MRPS6: variants seen among roughly 807,000 people sequenced by gnomAD.
The protein encoded by MRPS6 is small ribosomal subunit protein bS6m.
In MRPS6, 6 loss-of-function variants were observed where a neutral mutation model predicts 13.1. The ratio of observed to expected loss-of-function variants is 0.46; its 90% confidence interval spans 0.25 to 0.91. The LOEUF is 0.91. Among genes scored for constraint, MRPS6 ranks in the 40% least tolerant of loss-of-function variants. The pLI is 0.18. For synonymous variants in MRPS6, 61 were observed against 56.5 expected, an observed-to-expected ratio of 1.08 and a Z score of -0.36; for missense variants, 164 against 155.6, an observed-to-expected ratio of 1.05 and a Z score of -0.29.
intron 1 of MRPS6, among the ~76,000 whole-genome samples, chr21:34,109,613 A>G (rs1380587447): frequency 6.6e-6 from 1 of 152,150 alleles, no homozygotes; most frequent in Non-Finnish European, 1.5e-5. Flanking sequence ...TATGCATCTC[A>G]GGATCCAACT....
chr21:34,074,253 G>A (rs1243929037), intron 1 of MRPS6, among the ~76,000 whole-genome samples: 1 of 151,878 alleles, frequency 6.6e-6, no homozygotes, highest in East Asian at 1.9e-4. Flanking sequence ...CGGAACGTCC[G>A]CGCCCAATAA....
chr21:34,129,555 A>C (rs1278804130), intron 2 of MRPS6, among the ~76,000 whole-genome samples: 3 of 152,216 alleles, frequency 2.0e-5, no homozygotes, highest in African/African-American at 7.2e-5. Context: ...GCTGGCCTAC[A>C]TATAAGATGC....
rs79421388 is a variant in MRPS6, at chr21:34,139,428, A to C, written c.186-2980A>C. Among the ~76,000 whole-genome samples, 76 of 152,288 alleles carry C rather than the reference A, an allele frequency of 5.0e-4. No homozygotes were observed. In the East Asian group the frequency reaches 0.014, roughly 29 times the overall value. ...TAATATTCTTTGTGGGAAGCTTTTAAACTTCTTTAATAAGATATAGGGCTT... is the reference window on the plus strand; with the variant it reads ...TAATATTCTTTGTGGGAAGCTTTTACACTTCTTTAATAAGATATAGGGCTT... On this transcript the variant is annotated intron_variant, in intron 2 of 2. Coordinates refer to ENST00000399312, the MANE Select transcript of MRPS6 (RefSeq NM_032476.4).
chr21:34,103,169 A>C, intron 1 of MRPS6: 1 of 1,000,052 alleles, frequency 1.0e-6, no homozygotes, highest in Non-Finnish European at 1.2e-6. Context: ...GGTATTCCAT[A>C]ATATAACCAG....
rs1322542850 is a variant in MRPS6 at position 34,136,065 on chromosome 21, C to T, written c.186-6343C>T. The T allele has an allele frequency of 5.4e-5, 13 of 242,836 alleles. No individual in the cohort carries two copies. The East Asian group carries it at 1.3e-3, about 24-fold the overall frequency. The allele number at this position is 242,836 out of a possible 1,614,324, so 15.0% of individuals were successfully genotyped here. On this transcript the variant is annotated intron_variant, in intron 2 of 2. Transcript: ENST00000399312. The stretch of plus-strand genomic sequence containing the variant: ...ACCACTGCTGGTGCTGTCTCCCACT[C>T]GGTCATCCAGAGGGCACAGCCCGAG...
intron 1 of MRPS6, chr21:34,099,249 T>C: frequency 5.0e-6 from 5 of 1,000,220 alleles, no homozygotes; most frequent in Non-Finnish European, 6.0e-6. Flanking sequence ...TAGATAGAGC[T>C]CATCATTTTC....
At chr21:34,118,557 C>CTTTCT (rs1556008872) in intron 1 of MRPS6, among the ~76,000 whole-genome samples, 30 of 133,176 alleles carry the variant, frequency 2.3e-4, no homozygotes, top group African/African-American at 8.3e-4. Flanking sequence ...TTCTTTCTTT[C>CTTTCT]TTTTTTTTTT....
chr21:34,088,046 A>C (rs1208361951), intron 1 of MRPS6, among the ~76,000 whole-genome samples: 2 of 152,196 alleles, frequency 1.3e-5, no homozygotes, highest in Non-Finnish European at 2.9e-5. Flanking sequence ...AATTATTCAT[A>C]CCCCGGAACA....
At chr21:34,130,331 T>G (rs1980458878) in intron 2 of MRPS6, among the ~76,000 whole-genome samples, 2 of 152,154 alleles carry the variant, frequency 1.3e-5, no homozygotes. Flanking sequence ...AATACAGTTT[T>G]CCCCCTGGAC....
At chr21:34,121,165 A>T (rs921849667) in intron 1 of MRPS6, among the ~76,000 whole-genome samples, 121 of 152,318 alleles carry the variant, frequency 7.9e-4, no homozygotes, top group African/African-American at 2.7e-3. Context: ...GTAAAAAAAG[A>T]ATGACATCAG....
intron 2 of MRPS6, among the ~76,000 whole-genome samples, chr21:34,134,798 A>G (rs1602966980): frequency 6.6e-6 from 1 of 152,194 alleles, no homozygotes; most frequent in Non-Finnish European, 1.5e-5. Flanking sequence ...TTTCACTCTC[A>G]GTAAAGTATT....
intron 1 of MRPS6, among the ~76,000 whole-genome samples, chr21:34,089,764 C>T (rs1369020698): frequency 1.3e-5 from 2 of 152,144 alleles, no homozygotes; most frequent in Non-Finnish European, 2.9e-5. Flanking sequence ...CTTCACCCAT[C>T]AGAATACAGC....
chr21:34,128,524 C>T (rs1278674639), intron 2 of MRPS6, among the ~76,000 whole-genome samples: 1 of 152,120 alleles, frequency 6.6e-6, no homozygotes, highest in Non-Finnish European at 1.5e-5. Flanking sequence ...ATTATTATAT[C>T]AAGACTGTTT....
rs915124504 is a variant in MRPS6, at chr21:34,096,407, C to T, written c.45+22662C>T. 3.1e-6 allele frequency: 5 copies of T among 1,614,068 alleles called. No individual in the cohort carries two copies. Among genetic ancestry groups the T allele is most frequent in the Non-Finnish European group, 4.2e-6 (5 of 1,180,030 alleles). On this transcript the variant is annotated intron_variant, in intron 1 of 2. Coordinates refer to ENST00000399312, the MANE Select transcript of MRPS6 (RefSeq NM_032476.4). This position sits in a 1 kb window ranked among gnomAD's most constrained non-coding sequence, Gnocchi z 5.9. Reference sequence around the variant, plus strand: ...ACAAACTTATCCGCAAGAGCGCAAGCTCCCGGGAGTTAATGATTGTGGGGA... The same window carrying T: ...ACAAACTTATCCGCAAGAGCGCAAGTTCCCGGGAGTTAATGATTGTGGGGA...
intron 1 of MRPS6, chr21:34,095,138 AAAAT>A (rs746514167): frequency 2.9e-4 from 437 of 1,530,470 alleles, no homozygotes; most frequent in Non-Finnish European, 3.5e-4. Flanking sequence ...GGGGTTACTA[AAAAT>A]AAATAAAAAG....
chr21:34,105,135 G>A (rs1000190074), intron 1 of MRPS6: 18 of 1,000,128 alleles, frequency 1.8e-5, no homozygotes, highest in Non-Finnish European at 2.0e-5. Context: ...ATGATGGTAT[G>A]GAATTTGTTC....
chr21:34,097,541 C>G (rs1979023436), intron 1 of MRPS6: 1 of 1,381,302 alleles, frequency 7.2e-7, no homozygotes, highest in African/African-American at 1.5e-5. Flanking sequence ...AAATCTTCAA[C>G]TTAAGTGAAG....
At chr21:34,097,407 G>GA (rs1979015865) in intron 1 of MRPS6, 4 of 1,367,840 alleles carry the variant, frequency 2.9e-6, no homozygotes, top group African/African-American at 6.6e-5. Flanking sequence ...CTGGTCTTTG[G>GA]GGAAAAAAGT....
rs539626723 is a variant in MRPS6, at chr21:34,090,099, A to T, written c.45+16354A>T. Among the ~76,000 whole-genome samples the T allele has an allele frequency of 1.5e-4, 23 of 152,316 alleles. No individual in the cohort carries two copies. In the East Asian group the frequency reaches 4.4e-3, roughly 29 times the overall value. ...AAAAAGTTTTGGATTTGGGAGGAGC[A>T]TTTCAGATTTTGTATTTTTGCATTA... On this transcript the variant is annotated intron_variant, in intron 1 of 2. Coordinates refer to ENST00000399312, the MANE Select transcript of MRPS6 (RefSeq NM_032476.4).
Sources: allele counts gnomAD v4.1 joint callset (sites outside exome capture counted in the v4.1 genomes callset), GRCh38; gene constraint gnomAD v4.1.1; non-coding constraint Gnocchi (gnomAD v3.1); transcripts MANE v1.5; gene names NCBI Gene and HGNC (gene_info 2026-07-23, HGNC 2026-07-21).